The following DOK5 variants were observed in gnomAD, a reference collection of about 807,000 sequenced individuals.
DOK5 encodes the protein downstream of tyrosine kinase 5.
A neutral mutation model predicts 43.3 loss-of-function variants in DOK5; 27 were observed. The ratio of observed to expected loss-of-function variants is 0.62; its 90% CI spans 0.46 to 0.86. DOK5 has a LOEUF of 0.86. Among genes scored for constraint, DOK5 ranks in the 40% least tolerant of loss-of-function variants. DOK5 has a pLI of 0.00. For missense variants in DOK5, 373 were observed against 392.9 expected (o/e 0.95, Z 0.43); for synonymous variants, 146 against 140.1 (o/e 1.04, Z -0.30).
chr20:54,617,412 C>T (rs972807871), intron 6 of DOK5, among the ~76,000 whole-genome samples: 1 of 152,040 alleles, frequency 6.6e-6, no homozygotes, highest in African/African-American at 2.4e-5. Flanking sequence ...CTCACTGCAG[C>T]CTCGACCTCC....
chr20:54,622,313 G>A (rs1489903084), intron 6 of DOK5, among the ~76,000 whole-genome samples: 1 of 152,214 alleles, frequency 6.6e-6, no homozygotes, highest in Admixed American at 6.5e-5. Flanking sequence ...AGATGTGGAT[G>A]AAACTCAGGC....
intron 1 of DOK5, among the ~76,000 whole-genome samples, chr20:54,482,353 C>T (rs182229393): frequency 1.0e-3 from 152 of 152,276 alleles, no homozygotes; most frequent in African/African-American, 3.2e-3. Context: ...ATAGTTTCAC[C>T]TGACCTGGTA....
intron 6 of DOK5, among the ~76,000 whole-genome samples, chr20:54,619,912 C>G (rs150707134): frequency 6.6e-6 from 1 of 152,178 alleles, no homozygotes; most frequent in Non-Finnish European, 1.5e-5. Flanking sequence ...AGTAGACCCT[C>G]GCATGGTGGA....
chr20:54,582,225 A>G (rs543891082), intron 2 of DOK5, among the ~76,000 whole-genome samples: 2 of 151,954 alleles, frequency 1.3e-5, no homozygotes, highest in East Asian at 3.9e-4. Flanking sequence ...ATCATGATAT[A>G]TTATCCATTT....
rs919085564 is a variant in DOK5, at chr20:54,588,572, C to A, written c.264C>A (p.Thr88=). The change falls in exon 3 of 8, where the codon ACC becomes ACA. Residue 88 remains threonine (T), a synonymous_variant. Coordinates refer to ENST00000262593, the MANE Select transcript of DOK5 (RefSeq NM_018431.5). ...HAIGIYFNDD[T]SKTFACESDL... Reference sequence around the variant, plus strand: ...TAGGGATTTATTTCAATGACGATACCTCCAAGACTTTTGCTTGCGAATCAG... The same window carrying A: ...TAGGGATTTATTTCAATGACGATACATCCAAGACTTTTGCTTGCGAATCAG... 5.6e-6 allele frequency: 9 copies of A among 1,614,146 alleles called. No individual in the cohort carries two copies. Among genetic ancestry groups the A allele is most frequent in the Non-Finnish European group, 7.6e-6 (9 of 1,180,008 alleles).
chr20:54,580,017 G>A (rs1292281205), intron 2 of DOK5, among the ~76,000 whole-genome samples: 1 of 152,096 alleles, frequency 6.6e-6, no homozygotes, highest in African/African-American at 2.4e-5. Context: ...ACTTAGGAGT[G>A]AGAACATGCG....
At chr20:54,554,629 T>C (rs934189066) in intron 1 of DOK5, among the ~76,000 whole-genome samples, 6 of 152,230 alleles carry the variant, frequency 3.9e-5, no homozygotes, top group African/African-American at 1.4e-4. Flanking sequence ...GCCTATTTTA[T>C]TTGTACATTT....
intron 1 of DOK5, among the ~76,000 whole-genome samples, chr20:54,541,088 T>C (rs930858846): frequency 1.3e-5 from 2 of 152,232 alleles, no homozygotes; most frequent in Non-Finnish European, 2.9e-5. Context: ...TCTCAGCTAA[T>C]GAAAACTCCA....
intron 6 of DOK5, among the ~76,000 whole-genome samples, chr20:54,622,450 A>G (rs943199767): frequency 2.6e-5 from 4 of 152,188 alleles, no homozygotes; most frequent in African/African-American, 7.2e-5. Context: ...GTGTGTTTTA[A>G]TAGTGCTTTC....
At chr20:54,500,938 T>C (rs6098028) in intron 1 of DOK5, among the ~76,000 whole-genome samples, 10,948 of 152,224 alleles carry the variant, frequency 0.072, 1,369 homozygotes, top group African/African-American at 0.25. Context: ...AACTGTGAGT[T>C]TGAAGTCTAT....
chr20:54,556,771 C>A (rs1984721656), intron 2 of DOK5, among the ~76,000 whole-genome samples: 2 of 152,140 alleles, frequency 1.3e-5, no homozygotes, highest in Admixed American at 1.3e-4. Context: ...TGCAATTCAC[C>A]CTGAGGCTCT....
intron 1 of DOK5, among the ~76,000 whole-genome samples, chr20:54,526,412 C>T (rs1057077546): frequency 4.6e-5 from 7 of 152,122 alleles, no homozygotes; most frequent in African/African-American, 1.7e-4. Flanking sequence ...GTCCTTTGAT[C>T]CAGAGCTGGC....
chr20:54,590,295 A>G (rs934113941), intron 4 of DOK5, among the ~76,000 whole-genome samples: 4 of 152,128 alleles, frequency 2.6e-5, no homozygotes, highest in African/African-American at 9.7e-5. Context: ...GCCCTTTCCA[A>G]TGTTAATTAG....
intron 2 of DOK5, among the ~76,000 whole-genome samples, chr20:54,559,861 A>G (rs546488594): frequency 2.0e-5 from 3 of 152,256 alleles, no homozygotes; most frequent in Non-Finnish European, 4.4e-5. Context: ...TAATGTGTGT[A>G]TTAAATGAAC....
At chr20:54,634,436 G>GATT (rs1978721608) in intron 6 of DOK5, among the ~76,000 whole-genome samples, 1 of 96,418 alleles carries the variant, frequency 1.0e-5, no homozygotes, top group African/African-American at 6.2e-5. Flanking sequence ...ATCATATCAT[G>GATT]CTTTTTTTTT....
intron 1 of DOK5, among the ~76,000 whole-genome samples, chr20:54,496,122 A>G (rs576665803): frequency 6.6e-6 from 1 of 152,232 alleles, no homozygotes; most frequent in African/African-American, 2.4e-5. Flanking sequence ...TGAATATTAT[A>G]AAGATGAAGA....
At chr20:54,618,206 AT>A (rs1286103699) in intron 6 of DOK5, among the ~76,000 whole-genome samples, 1 of 152,196 alleles carries the variant, frequency 6.6e-6, no homozygotes, top group Non-Finnish European at 1.5e-5. Context: ...TACGTAGCTC[AT>A]TACTACTGGA....
intron 1 of DOK5, among the ~76,000 whole-genome samples, chr20:54,516,351 T>A (rs1182958085): frequency 6.6e-6 from 1 of 152,210 alleles, no homozygotes; most frequent in Non-Finnish European, 1.5e-5. Context: ...GCAGTGTTGT[T>A]GAAATGATTG....
At chr20:54,501,102 T>C (rs1228626288) in intron 1 of DOK5, among the ~76,000 whole-genome samples, 1 of 152,126 alleles carries the variant, frequency 6.6e-6, no homozygotes, top group Non-Finnish European at 1.5e-5. Context: ...TTTTTATGGC[T>C]CTTAATACAT....
Sources: allele counts gnomAD v4.1 joint callset (sites outside exome capture counted in the v4.1 genomes callset), GRCh38; gene constraint gnomAD v4.1.1; transcripts MANE v1.5; gene names NCBI Gene and HGNC (gene_info 2026-07-23, HGNC 2026-07-21).